Variants in SVIL observed in about 807,000 individuals in gnomAD.
The protein encoded by SVIL is supervillin, also known as archvillin.
In SVIL, 101 loss-of-function variants were observed where a neutral mutation model predicts 240.4. That is an observed-to-expected ratio of 0.42 (90% CI 0.36 to 0.50). SVIL has a LOEUF of 0.50. Ranked by LOEUF, SVIL falls within the 20% of genes least tolerant of loss-of-function variation. The probability of loss-of-function intolerance (pLI) is 0.01; values close to 1 mark genes in which losing one functional copy is unlikely to be tolerated. For synonymous variants in SVIL, 999 were observed against 1,100.0 expected (o/e 0.91, Z 1.82); for missense variants, 2,512 against 2,818.7 (o/e 0.89, Z 2.46).
At chr10:29,511,389 C>T (rs116574069) in intron 17 of SVIL, among the ~76,000 whole-genome samples, 2,282 of 138,170 alleles carry the variant, frequency 0.017, 91 homozygotes, top group African/African-American at 0.047. Flanking sequence ...CCTGATGGGC[C>T]GGGGAGTCTC....
chr10:29,563,678 T>G (rs1977387), intron 2 of SVIL, among the ~76,000 whole-genome samples: 1 of 139,698 alleles, frequency 7.2e-6, no homozygotes. Context: ...CAGTAACTTG[T>G]CTAGGTGATC....
chr10:29,643,412 C>T (rs1009953740), intron 3 of SVIL, among the ~76,000 whole-genome samples: 1 of 152,160 alleles, frequency 6.6e-6, no homozygotes, highest in Non-Finnish European at 1.5e-5. Context: ...TGGAACCAGA[C>T]TTGGAATCAT....
At chr10:29,501,700 G>T (rs543710751) in intron 17 of SVIL, among the ~76,000 whole-genome samples, 1 of 152,156 alleles carries the variant, frequency 6.6e-6, no homozygotes, top group African/African-American at 2.4e-5. Context: ...AATAAACGAT[G>T]AGGTTCACTT....
intron 2 of SVIL, among the ~76,000 whole-genome samples, chr10:29,681,653 T>C (rs1299286511): frequency 6.6e-6 from 1 of 152,166 alleles, no homozygotes; most frequent in African/African-American, 2.4e-5. Flanking sequence ...TCTTTCCTAA[T>C]GATCACGTCA....
chr10:29,589,878 A>C (rs1234510436), intron 1 of SVIL, among the ~76,000 whole-genome samples: 2 of 152,132 alleles, frequency 1.3e-5, no homozygotes, highest in African/African-American at 4.8e-5. Flanking sequence ...CACTAAAAAT[A>C]ATGTTGTTGG....
intron 6 of SVIL, among the ~76,000 whole-genome samples, chr10:29,546,151 A>G (rs1483342813): frequency 6.6e-6 from 1 of 152,240 alleles, no homozygotes; most frequent in Non-Finnish European, 1.5e-5. Context: ...GTGTTTAAAA[A>G]TCTGAATAAT....
chr10:29,570,270 G>A (rs552363570), intron 1 of SVIL, among the ~76,000 whole-genome samples: 125 of 152,352 alleles, frequency 8.2e-4, no homozygotes, highest in African/African-American at 2.9e-3. Flanking sequence ...ATCTTGTTAT[G>A]TAATTAACCA....
chr10:29,580,713 C>T (rs1955906508), intron 1 of SVIL, among the ~76,000 whole-genome samples: 1 of 152,196 alleles, frequency 6.6e-6, no homozygotes, highest in Non-Finnish European at 1.5e-5. Flanking sequence ...GTTGCCCAGG[C>T]TGGAGTGCAG....
At chr10:29,647,631 GTGTGTT>G (rs1208030540) in intron 3 of SVIL, among the ~76,000 whole-genome samples, 2 of 151,992 alleles carry the variant, frequency 1.3e-5, no homozygotes, top group African/African-American at 4.8e-5. Context: ...ATAGGTGTGT[GTGTGTT>G]TGTGTGTGTG....
chr10:29,631,165 C>G (rs1311452811), intron 1 of SVIL, among the ~76,000 whole-genome samples: 2 of 152,172 alleles, frequency 1.3e-5, no homozygotes, highest in African/African-American at 2.4e-5. Context: ...CATGAAAGAC[C>G]CTGAAGGGGA....
intron 3 of SVIL, among the ~76,000 whole-genome samples, chr10:29,555,715 A>G (rs1473377917): frequency 1.3e-5 from 2 of 152,188 alleles, no homozygotes; most frequent in Admixed American, 6.5e-5. Context: ...ACTGTTTCTA[A>G]CTTTTGTTTG....
intron 1 of SVIL, among the ~76,000 whole-genome samples, chr10:29,725,028 C>CA (rs1187861054): frequency 0.27 from 10,921 of 40,584 alleles, 2,258 homozygotes; most frequent in African/African-American, 0.33. Flanking sequence ...GACCCGGTCT[C>CA]AAAAAAAAAA....
At chr10:29,575,865 T>C (rs1364717589) in intron 1 of SVIL, among the ~76,000 whole-genome samples, 1 of 152,190 alleles carries the variant, frequency 6.6e-6, no homozygotes. Context: ...GGTTGAGAAA[T>C]ATGACACATT....
intron 1 of SVIL, among the ~76,000 whole-genome samples, chr10:29,699,928 A>T (rs1368844068): frequency 6.6e-6 from 1 of 152,232 alleles, no homozygotes; most frequent in Non-Finnish European, 1.5e-5. Context: ...ACAAATGTGG[A>T]AGGAACTGTA....
intron 1 of SVIL, among the ~76,000 whole-genome samples, chr10:29,620,874 C>T (rs1348872731): frequency 6.6e-6 from 1 of 152,218 alleles, no homozygotes; most frequent in Non-Finnish European, 1.5e-5. Context: ...ACCTCAGCCT[C>T]CCAAAGTGCT....
At chr10:29,579,143 A>C (rs189483260) in intron 1 of SVIL, among the ~76,000 whole-genome samples, 2 of 152,314 alleles carry the variant, frequency 1.3e-5, no homozygotes, top group Admixed American at 1.3e-4. Context: ...CAAAGGTAAA[A>C]ACGGGGACAA....
chr10:29,706,852 C>A (rs1962923956), intron 1 of SVIL, among the ~76,000 whole-genome samples: 2 of 152,314 alleles, frequency 1.3e-5, no homozygotes, highest in South Asian at 4.1e-4. Context: ...CTGTTTTCTG[C>A]ATATGGCTAG....
chr10:29,508,452 A>G lies in SVIL; in HGVS notation c.3516+4283T>C, dbSNP rs950083845. The G allele has an allele frequency of 2.4e-6, 3 of 1,244,614 alleles. No individual in the cohort carries two copies. In the African/African-American group the frequency reaches 4.6e-5, roughly 19 times the overall value. The allele number at this position is 1,244,614 out of a possible 1,614,324, so 77.1% of individuals were successfully genotyped here. On this transcript the variant is annotated intron_variant, in intron 17 of 37. Coordinates refer to ENST00000355867, the MANE Select transcript of SVIL (RefSeq NM_021738.3). ...TGGAAGAGAAGAGCCTGGTCAGGGCATCGCAATCACCTTCAAGTATTTCAT... is the reference window on the plus strand; with the variant it reads ...TGGAAGAGAAGAGCCTGGTCAGGGCGTCGCAATCACCTTCAAGTATTTCAT...
At chr10:29,720,351 T>C (rs1418263105) in intron 1 of SVIL, among the ~76,000 whole-genome samples, 1 of 151,918 alleles carries the variant, frequency 6.6e-6, no homozygotes, top group Non-Finnish European at 1.5e-5. Context: ...GAAGAAAAAA[T>C]TGTCAATCTA....
Sources: allele counts gnomAD v4.1 joint callset (sites outside exome capture counted in the v4.1 genomes callset), GRCh38; gene constraint gnomAD v4.1.1; transcripts MANE v1.5; gene names NCBI Gene and HGNC (gene_info 2026-07-23, HGNC 2026-07-21).